The following TNR variants were observed in gnomAD, a reference collection of about 807,000 sequenced individuals.
The protein encoded by TNR is tenascin R, also known as tenascin-R.
Under a neutral mutation model 150.4 loss-of-function variants are expected in TNR, and 45 were observed. That is an observed-to-expected ratio of 0.30 (90% CI 0.24 to 0.38). The LOEUF (loss-of-function observed/expected upper bound fraction) is 0.38. TNR is among the 10% of genes least tolerant of loss of function. TNR has a pLI of 1.00. For synonymous variants in TNR, 687 were observed against 678.4 expected, an observed-to-expected ratio of 1.01 and a Z score of -0.20; for missense variants, 1,544 against 1,759.1, an observed-to-expected ratio of 0.88 and a Z score of 2.19.
intron 1 of TNR, among the ~76,000 whole-genome samples, chr1:175,710,508 A>G (rs779826785): frequency 2.9e-4 from 44 of 152,304 alleles, no homozygotes; most frequent in Non-Finnish European, 5.6e-4. Context: ...AGCTGAAGCC[A>G]TGGGAATGGC....
At chr1:175,587,375 GA>G (rs573512829) in intron 1 of TNR, among the ~76,000 whole-genome samples, 316 of 152,326 alleles carry the variant, frequency 2.1e-3, no homozygotes, top group African/African-American at 7.3e-3. Flanking sequence ...GAGTAACCCA[GA>G]GTGAATTATT....
At chr1:175,556,115 C>T (rs1661149213) in intron 1 of TNR, among the ~76,000 whole-genome samples, 1 of 152,242 alleles carries the variant, frequency 6.6e-6, no homozygotes, top group Admixed American at 6.5e-5. Flanking sequence ...GACCGACGGC[C>T]TTTTTGGCAT....
chr1:175,334,295 T>C lies in TNR; in HGVS notation c.3631+1416A>G, dbSNP rs531962100. ...CAAGCTAACCATGGGAGGAATTTAG[T>C]TTATAGTTTAATTTTAAAGCAAGGA... On this transcript the variant is annotated intron_variant, in intron 20 of 22. Transcript: ENST00000367674. 2.7e-4 allele frequency among the ~76,000 whole-genome samples: 41 copies of C among 152,264 alleles called. No homozygotes were observed. The South Asian group carries it at 8.5e-3, about 32-fold the overall frequency.
intron 2 of TNR, among the ~76,000 whole-genome samples, chr1:175,496,558 C>T (rs933769123): frequency 1.1e-4 from 17 of 152,168 alleles, no homozygotes; most frequent in East Asian, 3.9e-4. Flanking sequence ...CTCGAGGTAG[C>T]GCTTAACATT....
intron 9 of TNR, among the ~76,000 whole-genome samples, chr1:175,376,860 T>TG (rs1553211469): frequency 1.5e-4 from 17 of 113,708 alleles, no homozygotes; most frequent in Non-Finnish European, 2.6e-4. Flanking sequence ...AAATGTAATA[T>TG]TATATATATA....
chr1:175,533,053 C>T (rs937638179), intron 1 of TNR, among the ~76,000 whole-genome samples: 1 of 152,124 alleles, frequency 6.6e-6, no homozygotes, highest in African/African-American at 2.4e-5. Context: ...AGGCTAGTTG[C>T]CACAAATGCT....
chr1:175,485,846 G>A (rs1052889033), intron 2 of TNR, among the ~76,000 whole-genome samples: 1 of 152,174 alleles, frequency 6.6e-6, no homozygotes, highest in Admixed American at 6.5e-5. Context: ...TATTTACCAT[G>A]TGTCAGGCAC....
chr1:175,337,215 T>C (rs767082605), intron 19 of TNR, among the ~76,000 whole-genome samples: 1 of 152,190 alleles, frequency 6.6e-6, no homozygotes, highest in African/African-American at 2.4e-5. Context: ...TTATTAGAGA[T>C]GCATTTCTCA....
At chr1:175,592,655 A>C (rs1478594754) in intron 1 of TNR, among the ~76,000 whole-genome samples, 1 of 152,198 alleles carries the variant, frequency 6.6e-6, no homozygotes, top group Non-Finnish European at 1.5e-5. Flanking sequence ...GCTGTTAACC[A>C]TCATTCAGCG....
chr1:175,380,591 A>G (rs1652627923), intron 8 of TNR, among the ~76,000 whole-genome samples: 1 of 151,012 alleles, frequency 6.6e-6, no homozygotes, highest in East Asian at 1.9e-4. Flanking sequence ...AAAAAAAAAA[A>G]GGTGCCCAAG....
intron 1 of TNR, among the ~76,000 whole-genome samples, chr1:175,627,570 C>T (rs1664192755): frequency 2.0e-5 from 3 of 152,158 alleles, no homozygotes; most frequent in South Asian, 4.1e-4. Context: ...TAATGATACT[C>T]ATCATATCGG....
At chr1:175,480,771 C>T (rs1022268056) in intron 2 of TNR, among the ~76,000 whole-genome samples, 1 of 152,190 alleles carries the variant, frequency 6.6e-6, no homozygotes, top group African/African-American at 2.4e-5. Context: ...ATTCATACTG[C>T]CTTTTTTTCT....
Position 175,336,974 on chromosome 1 carries a change from C to T in TNR, c.3534+554G>A, listed in dbSNP as rs1423538467. On this transcript the variant is annotated intron_variant, in intron 19 of 22. Transcript: ENST00000367674. The stretch of plus-strand genomic sequence containing the variant: ...GTGGCATGGTCTCGTCTCACTACAA[C>T]GTCCGCCTCCCAGGTTCAAGTGATT... Among the ~76,000 whole-genome samples, 7 of 152,240 alleles carry T rather than the reference C, an allele frequency of 4.6e-5. No homozygotes were observed. The East Asian group carries it at 5.8e-4, about 13-fold the overall frequency.
At chr1:175,381,168 A>C (rs1652660071) in intron 8 of TNR, among the ~76,000 whole-genome samples, 1 of 152,202 alleles carries the variant, frequency 6.6e-6, no homozygotes, top group South Asian at 2.1e-4. Flanking sequence ...AGGAGCTTGG[A>C]TAGAGAGGCA....
chr1:175,729,752 G>C (rs990220705), intron 1 of TNR, among the ~76,000 whole-genome samples: 1 of 152,054 alleles, frequency 6.6e-6, no homozygotes, highest in African/African-American at 2.4e-5. Context: ...TGGGTGGCTG[G>C]GAACTGGCCT....
At chr1:175,629,114 C>T (rs1664247012) in intron 1 of TNR, among the ~76,000 whole-genome samples, 1 of 152,082 alleles carries the variant, frequency 6.6e-6, no homozygotes, top group Admixed American at 6.5e-5. Context: ...CTTCTGAGAG[C>T]GTAGGAGATG....
intron 20 of TNR, 56 bp downstream of exon 20, chr1:175,335,655 G>C (rs901679551): frequency 1.3e-6 from 2 of 1,522,462 alleles, no homozygotes; most frequent in Admixed American, 1.8e-5. Flanking sequence ...AAAAAGGAGA[G>C]AGATGGACAA....
intron 1 of TNR, among the ~76,000 whole-genome samples, chr1:175,724,985 C>A (rs933312585): frequency 3.3e-5 from 5 of 152,094 alleles, no homozygotes; most frequent in African/African-American, 1.2e-4. Flanking sequence ...TGAGAGGGGG[C>A]AAAGCTAGAG....
chr1:175,383,471 T>A (rs140109966), intron 8 of TNR, among the ~76,000 whole-genome samples: 1 of 152,294 alleles, frequency 6.6e-6, no homozygotes, highest in East Asian at 1.9e-4. Flanking sequence ...AAACCAGAGC[T>A]GCTGAGGGCA....
Sources: gnomAD v4.1 joint callset for allele counts (sites outside exome capture counted in the v4.1 genomes callset) on GRCh38, gnomAD v4.1.1 for gene constraint, MANE v1.5 for transcripts, NCBI Gene and HGNC (gene_info 2026-07-23, HGNC 2026-07-21) for gene names.